DHPS: variants seen among roughly 807,000 people sequenced by gnomAD.
The protein encoded by DHPS is migration-inducing gene 13.
Under a neutral mutation model 38.7 loss-of-function variants are expected in DHPS, and 24 were observed. That is an observed-to-expected ratio of 0.62 (90% CI 0.45 to 0.87). DHPS has a LOEUF of 0.87. Among genes scored for constraint, DHPS ranks in the 40% least tolerant of loss-of-function variants. The probability of loss-of-function intolerance (pLI) is 0.00; values close to 1 mark genes in which losing one functional copy is unlikely to be tolerated. For synonymous variants in DHPS, 250 were observed against 204.4 expected (o/e 1.22, Z -1.90); for missense variants, 510 against 497.6 (o/e 1.02, Z -0.24).
At chr19:12,673,408 A>G (rs2024479892), downstream of DHPS, 1 of 266,040 alleles carries the variant, frequency 3.8e-6, no homozygotes, top group Non-Finnish European at 7.1e-6. Flanking sequence ...GAAGGCTAGG[A>G]TCTTTTTTTT....
At chr19:12,674,939 C>G (rs2024527838), downstream of DHPS, among the ~76,000 whole-genome samples, 1 of 150,812 alleles carries the variant, frequency 6.6e-6, no homozygotes, top group African/African-American at 2.4e-5. Context: ...CATGGTGAAA[C>G]CCCATCTGTA....
chr19:12,677,417 C>A, intron 5 of DHPS, 21 bp from the exon 6 acceptor site: 1 of 1,605,292 alleles, frequency 6.2e-7, no homozygotes, highest in Non-Finnish European at 8.5e-7. Context: ...CATGACAGGA[C>A]AGTGGCTGGA....
downstream of DHPS, among the ~76,000 whole-genome samples, chr19:12,674,559 A>C (rs1025170857): frequency 6.6e-6 from 1 of 152,224 alleles, no homozygotes; most frequent in Non-Finnish European, 1.5e-5. Flanking sequence ...CTTGGAGGGC[A>C]GGCACATCAA....
intron 5 of DHPS, 87 bp downstream of exon 5, chr19:12,679,370 C>T: frequency 2.4e-6 from 3 of 1,236,840 alleles, no homozygotes; most frequent in Non-Finnish European, 2.4e-6. Context: ...CTGAGAATAA[C>T]AGTACTGAAT....
downstream of DHPS, chr19:12,673,286 C>T (rs141811821): frequency 3.5e-5 from 57 of 1,613,826 alleles, no homozygotes; most frequent in African/African-American, 6.7e-4. Context: ...GTTCTGAGGA[C>T]GGGAAGGTGT....
At chr19:12,680,960 A>T (rs2024787883) in intron 1 of DHPS, 1 of 285,676 alleles carries the variant, frequency 3.5e-6, no homozygotes, top group Non-Finnish European at 6.6e-6. Flanking sequence ...CAGCCTCCCG[A>T]GTAGCTGGGA....
chr19:12,681,536 C>G, intron 1 of DHPS, 24 bp downstream of exon 1: 1 of 1,613,872 alleles, frequency 6.2e-7, no homozygotes, highest in South Asian at 1.1e-5. Context: ...CTCCGCGTCC[C>G]TAGAAATTCC....
chr19:12,675,035 A>C (rs190804179), downstream of DHPS, among the ~76,000 whole-genome samples: 1 of 152,002 alleles, frequency 6.6e-6, no homozygotes. Context: ...AATCGCTTGA[A>C]CTAGGGAGTC....
chr19:12,673,405 AG>A (rs1202540874), downstream of DHPS: 3 of 342,302 alleles, frequency 8.8e-6, no homozygotes, highest in African/African-American at 4.8e-5. Context: ...CCTGAAGGCT[AG>A]GATCTTTTTT....
At chr19:12,675,966 AC>A in intron 8 of DHPS, 33 bp from the exon 9 acceptor site, 1 of 1,605,822 alleles carries the variant, frequency 6.2e-7, no homozygotes, top group Non-Finnish European at 8.5e-7. Flanking sequence ...AAGCCATGGG[AC>A]CCACACTCAT....
chr19:12,677,085 G>A lies in DHPS; in HGVS notation c.888+23C>T, dbSNP rs770007022. ...ACCACACAGCATGTCTGCAGAGTGG[G>A]CCGAAGCGCCACCCCCACTCACCAT... On this transcript the variant is annotated intron_variant, in intron 7 of 8. Coordinates refer to ENST00000210060, the MANE Select transcript of DHPS (RefSeq NM_001930.4). 85 of 1,609,158 alleles carry A rather than the reference G, an allele frequency of 5.3e-5. 3 individuals carry two copies. In the South Asian group the frequency reaches 9.0e-4, roughly 17 times the overall value.
chr19:12,677,118 G>A lies in DHPS; in HGVS notation c.878C>T (p.Ala293Val), dbSNP rs960496806. 5 of 1,614,064 alleles carry A rather than the reference G, an allele frequency of 3.1e-6. No individual in the cohort carries two copies. The highest frequency in any genetic ancestry group is 4.2e-6 in the Non-Finnish European group (5 of 1,180,014). ...GGVVKHHIAN[A>V]NLMRNGADYA... The stretch of plus-strand genomic sequence containing the variant: ...GCCACCCCCACTCACCATGAGGTTG[G>A]CATTGGCAATGTGGTGCTTGACCAC... Residue 293 changes from alanine (A) to valine (V), a missense_variant, in exon 7 of 9, where the codon GCC (alanine) becomes GTC (valine). Physicochemically the swap from Ala to Val is moderately conservative, Grantham distance 64 (BLOSUM62 0). Coordinates refer to ENST00000210060, the MANE Select transcript of DHPS (RefSeq NM_001930.4).
In DHPS at chr19:12,676,478, G is replaced by A. The variant is rs565989355; in HGVS notation, c.889-336C>T. 61 of 275,104 alleles carry A rather than the reference G, an allele frequency of 2.2e-4. No individual in the cohort carries two copies. The South Asian group carries it at 2.7e-3, about 12-fold the overall frequency. The allele number at this position is 275,104 out of a possible 1,614,324, so 17.0% of individuals were successfully genotyped here. On this transcript the variant is annotated intron_variant, in intron 7 of 8. Transcript: ENST00000210060. ...GCATGGTCACCACTGTCCTGGACTGGAGTTCTCACTCACCTGCCACCATCT... is the reference window on the plus strand; with the variant it reads ...GCATGGTCACCACTGTCCTGGACTGAAGTTCTCACTCACCTGCCACCATCT...
At chr19:12,672,950 G>C (rs534375216), downstream of DHPS, 1 of 1,595,498 alleles carries the variant, frequency 6.3e-7, no homozygotes, top group African/African-American at 1.3e-5. Context: ...AGGCAGGGAA[G>C]ATGGGGGGCC....
chr19:12,681,594 T>C lies in DHPS; in HGVS notation c.173A>G (p.Asn58Ser). ...AFGTTGFQAT[N>S]FGRAVQQVNA... ...GACTTGCTGTACAGCGCGCCCGAAG[T>C]TGGTTGCTTGGAAGCCGGTGGTGCC... Residue 58 changes from asparagine to serine, a missense_variant, in exon 1 of 9, where the codon AAC (asparagine) becomes AGC (serine). Physicochemically the swap from Asn to Ser is conservative, Grantham distance 46. Transcript: ENST00000210060. The C allele has an allele frequency of 1.2e-6, 2 of 1,614,174 alleles. No individual in the cohort carries two copies. The highest frequency in any genetic ancestry group is 1.7e-6 in the Non-Finnish European group (2 of 1,180,016).
At chr19:12,678,863 T>G (rs1436300855) in intron 5 of DHPS, among the ~76,000 whole-genome samples, 1 of 151,070 alleles carries the variant, frequency 6.6e-6, no homozygotes, top group African/African-American at 2.4e-5. Context: ...AGCTCTTATT[T>G]TATAGCATCT....
Position 12,677,416 on chromosome 19 carries a change from ACAGTGGCTGGAGCT to A in DHPS, c.679-34_679-21del. 1 of 1,606,464 alleles carries A rather than the reference ACAGTGGCTGGAGCT, an allele frequency of 6.2e-7. No individual in the cohort carries two copies. The highest frequency in any genetic ancestry group is 8.5e-7 in the Non-Finnish European group (1 of 1,174,682). On this transcript the variant is annotated intron_variant, in intron 5 of 8. Transcript: ENST00000210060. Reference sequence around the variant, plus strand: ...GTGGTTCTGCAGAGAACATGACAGGACAGTGGCTGGAGCTCAGAGCCTCGTCTCCATGCTGGCTA... The same window carrying A: ...GTGGTTCTGCAGAGAACATGACAGGACAGAGCCTCGTCTCCATGCTGGCTA...
intron 1 of DHPS, 95 bp from the exon 2 acceptor site, chr19:12,680,420 TG>T: frequency 4.4e-6 from 6 of 1,377,708 alleles, no homozygotes; most frequent in Non-Finnish European, 6.1e-6. Flanking sequence ...CCCCAGGCCC[TG>T]CACATTCAGG....
At chr19:12,675,013 C>T (rs768651678), downstream of DHPS, among the ~76,000 whole-genome samples, 1 of 152,036 alleles carries the variant, frequency 6.6e-6, no homozygotes, top group Non-Finnish European at 1.5e-5. Flanking sequence ...ACTCGGGAGG[C>T]TGAGGCAGGA....
Sources: allele counts gnomAD v4.1 joint callset (sites outside exome capture counted in the v4.1 genomes callset), GRCh38; gene constraint gnomAD v4.1.1; transcripts MANE v1.5; gene names NCBI Gene and HGNC (gene_info 2026-07-23, HGNC 2026-07-21).